The following CADPS2 variants were observed in gnomAD, a reference collection of about 807,000 sequenced individuals.
CADPS2 encodes the protein calcium dependent secretion activator 2.
CADPS2 carries 93 observed loss-of-function variants against 172.5 expected under a neutral mutation model. The ratio of observed to expected loss-of-function variants is 0.54; its 90% CI spans 0.46 to 0.64. CADPS2 has a LOEUF of 0.64. Ranked by LOEUF, CADPS2 falls within the 30% of genes least tolerant of loss-of-function variation. The pLI is 0.00. For synonymous variants in CADPS2, 546 were observed against 555.2 expected (o/e 0.98, Z 0.23); for missense variants, 1,420 against 1,565.9 (o/e 0.91, Z 1.57).
chr7:122,485,092 C>G (rs1403956350), intron 11 of CADPS2, among the ~76,000 whole-genome samples: 2 of 152,082 alleles, frequency 1.3e-5, no homozygotes, highest in African/African-American at 4.8e-5. Flanking sequence ...TCTGACTGTT[C>G]CCCATCTCTC....
At chr7:122,511,890 A>G (rs922578778) in intron 9 of CADPS2, among the ~76,000 whole-genome samples, 1 of 152,200 alleles carries the variant, frequency 6.6e-6, no homozygotes, top group Non-Finnish European at 1.5e-5. Context: ...CCAATGTCAG[A>G]AACGAAATGT....
At chr7:122,803,194 C>T (rs996039049) in intron 1 of CADPS2, among the ~76,000 whole-genome samples, 3 of 152,176 alleles carry the variant, frequency 2.0e-5, no homozygotes, top group Admixed American at 6.6e-5. Flanking sequence ...ACAAGCCACA[C>T]TGGAAATACA....
chr7:122,873,526 T>C (rs1820384397), intron 1 of CADPS2, among the ~76,000 whole-genome samples: 1 of 152,230 alleles, frequency 6.6e-6, no homozygotes, highest in African/African-American at 2.4e-5. Flanking sequence ...CTGCATAGTA[T>C]TCCGTGGTGT....
intron 19 of CADPS2, chr7:122,409,678 C>A: frequency 4.3e-6 from 2 of 469,808 alleles, no homozygotes; most frequent in South Asian, 1.6e-5. Flanking sequence ...AAAATGAAAG[C>A]AACAGTTGCA....
chr7:122,740,701 T>G (rs1341478851), intron 1 of CADPS2, among the ~76,000 whole-genome samples: 1 of 151,926 alleles, frequency 6.6e-6, no homozygotes, highest in Non-Finnish European at 1.5e-5. Flanking sequence ...AAATTTTACA[T>G]GGCAAAAAAT....
chr7:122,830,158 C>G (rs1806114237), intron 1 of CADPS2, among the ~76,000 whole-genome samples: 1 of 152,120 alleles, frequency 6.6e-6, no homozygotes, highest in Admixed American at 6.6e-5. Context: ...CCCAGGTAGT[C>G]TGTCTCCAAG....
intron 7 of CADPS2, among the ~76,000 whole-genome samples, chr7:122,572,667 TG>T (rs1276469207): frequency 6.6e-6 from 1 of 152,158 alleles, no homozygotes; most frequent in African/African-American, 2.4e-5. Flanking sequence ...AGATGTCCCT[TG>T]GGACTGCTAT....
At chr7:122,702,144 C>T (rs2086227410) in intron 2 of CADPS2, 1 of 1,613,668 alleles carries the variant, frequency 6.2e-7, no homozygotes, top group East Asian at 2.2e-5. Context: ...TAAAAGTAGG[C>T]AATTGTGGCA....
intron 9 of CADPS2, among the ~76,000 whole-genome samples, chr7:122,498,395 A>T (rs555815219): frequency 6.6e-6 from 1 of 152,324 alleles, no homozygotes; most frequent in South Asian, 2.1e-4. Flanking sequence ...ATATCAATTT[A>T]AAAATCTTCC....
intron 1 of CADPS2, among the ~76,000 whole-genome samples, chr7:122,869,466 G>C (rs1273317141): frequency 6.6e-6 from 1 of 151,784 alleles, no homozygotes; most frequent in Non-Finnish European, 1.5e-5. Context: ...ACTGCCAATA[G>C]TATTATACCC....
chr7:122,593,930 T>C (rs572957868), intron 6 of CADPS2, among the ~76,000 whole-genome samples: 2 of 152,208 alleles, frequency 1.3e-5, no homozygotes, highest in South Asian at 4.1e-4. Context: ...TTAATCTTAA[T>C]GTATTTTTGT....
At chr7:122,755,994 G>C (rs2093143765) in intron 1 of CADPS2, among the ~76,000 whole-genome samples, 2 of 152,198 alleles carry the variant, frequency 1.3e-5, no homozygotes, top group African/African-American at 2.4e-5. Context: ...TATGTGAAAA[G>C]TGGGATCAGA....
chr7:122,407,758 A>C (rs2046825964), intron 19 of CADPS2, 62 bp from the exon 20 acceptor site: 4 of 1,368,474 alleles, frequency 2.9e-6, no homozygotes. Context: ...ATGCACAAGT[A>C]CTGTGCCAGT....
intron 1 of CADPS2, among the ~76,000 whole-genome samples, chr7:122,790,891 G>A (rs779821526): frequency 8.5e-5 from 13 of 152,094 alleles, no homozygotes; most frequent in East Asian, 1.9e-4. Flanking sequence ...TAGCCACCAC[G>A]TCTCAACACT....
chr7:122,723,287 A>G (rs2090687547), intron 2 of CADPS2, among the ~76,000 whole-genome samples: 1 of 152,206 alleles, frequency 6.6e-6, no homozygotes. Context: ...CTCATCTGAC[A>G]AAGGCCTAAT....
Position 122,388,734 on chromosome 7 carries a change from C to G in CADPS2, c.3013G>C (p.Gly1005Arg), listed in dbSNP as rs770995557. 33 of 1,598,276 alleles carry G rather than the reference C, an allele frequency of 2.1e-5. No homozygotes were observed. The highest frequency in any genetic ancestry group is 2.7e-5 in the Non-Finnish European group (31 of 1,169,710). ...WMPSLYESTN[G>R]SATSEDLFWK... Reference sequence around the variant, plus strand: ...AAAAGGTCTTCTGATGTTGCTGAGCCATTGCTAGAAGAAAAAGGAAAAATG... The same window carrying G: ...AAAAGGTCTTCTGATGTTGCTGAGCGATTGCTAGAAGAAAAAGGAAAAATG... Residue 1005 changes from glycine to arginine, a missense_variant, in exon 23 of 30, where the codon GGC (glycine) becomes CGC (arginine). Transcript: ENST00000449022.
intron 3 of CADPS2, among the ~76,000 whole-genome samples, chr7:122,650,636 C>A (rs117213985): frequency 0.023 from 3,560 of 152,218 alleles, 82 homozygotes; most frequent in Non-Finnish European, 0.037. Context: ...TTAGCAGAAA[C>A]CTTATTTTAG....
intron 8 of CADPS2, 81 bp from the exon 9 acceptor site, chr7:122,513,396 A>G: frequency 8.4e-7 from 1 of 1,189,508 alleles, no homozygotes; most frequent in Non-Finnish European, 1.2e-6. Context: ...TTCCATAGGT[A>G]TTTATTTTTG....
At chr7:122,592,904 G>T (rs2071109250) in intron 6 of CADPS2, among the ~76,000 whole-genome samples, 1 of 151,642 alleles carries the variant, frequency 6.6e-6, no homozygotes, top group Non-Finnish European at 1.5e-5. Context: ...GAGTTATCGG[G>T]TGCAGCACAC....
Sources: gnomAD v4.1 joint callset for allele counts (sites outside exome capture counted in the v4.1 genomes callset) on GRCh38, gnomAD v4.1.1 for gene constraint, MANE v1.5 for transcripts, NCBI Gene and HGNC (gene_info 2026-07-23, HGNC 2026-07-21) for gene names.